NRG3: variants seen among roughly 807,000 people sequenced by gnomAD.
The protein encoded by NRG3 is neuregulin 3.
NRG3 carries 31 observed loss-of-function variants against 66.9 expected under a neutral mutation model. The ratio of observed to expected loss-of-function variants is 0.46; its 90% CI spans 0.35 to 0.63. The LOEUF is 0.63. NRG3 is among the 20% of genes least tolerant of loss of function. The pLI, the probability that NRG3 is intolerant of heterozygous loss-of-function variation, is 0.00. For missense variants in NRG3, 910 were observed against 878.9 expected (o/e 1.04, Z -0.45); for synonymous variants, 393 against 359.4 (o/e 1.09, Z -1.06).
chr10:82,876,018 C>A (rs1393350155), intron 4 of NRG3, among the ~76,000 whole-genome samples: 1 of 152,110 alleles, frequency 6.6e-6, no homozygotes. Flanking sequence ...GTATGCAGAT[C>A]TATTAATCAT....
intron 3 of NRG3, among the ~76,000 whole-genome samples, chr10:82,799,181 G>A (rs540524992): frequency 9.1e-4 from 138 of 152,202 alleles, no homozygotes; most frequent in Non-Finnish European, 1.3e-3. Context: ...TTATTGGTGC[G>A]GCTGTATATC....
intron 1 of NRG3, among the ~76,000 whole-genome samples, chr10:82,006,220 A>G (rs1384420466): frequency 6.6e-6 from 1 of 152,108 alleles, no homozygotes; most frequent in Non-Finnish European, 1.5e-5. Context: ...TAGTGAGACA[A>G]AGAGATCTTT....
chr10:82,839,628 A>G (rs1319968430), intron 3 of NRG3, among the ~76,000 whole-genome samples: 6 of 151,810 alleles, frequency 4.0e-5, no homozygotes, highest in African/African-American at 1.4e-4. Flanking sequence ...TCTCTTCTAA[A>G]TAGTATTTCT....
At position 82,197,140 on chromosome 10, in the gene NRG3, A is replaced by G. The variant is rs528091899; in HGVS notation, c.824-161599A>G. ...ACTGCAGTCAAGATGAGAGCAACCA[A>G]CTGGCCCTCACAGGAAGTTTTGGGA... On this transcript the variant is annotated intron_variant, in intron 1 of 8. Coordinates refer to ENST00000372141, the MANE Select transcript of NRG3 (RefSeq NM_001010848.4). 3.3e-5 allele frequency among the ~76,000 whole-genome samples: 5 copies of G among 152,274 alleles called. No homozygotes were observed. In the East Asian group the frequency reaches 5.8e-4, roughly 18 times the overall value.
At chr10:82,498,644 A>G (rs1429232611) in intron 2 of NRG3, among the ~76,000 whole-genome samples, 1 of 152,142 alleles carries the variant, frequency 6.6e-6, no homozygotes, top group African/African-American at 2.4e-5. Context: ...AAAGGACATG[A>G]GATTACTAGG....
At chr10:82,030,625 A>AGC (rs2062522789) in intron 1 of NRG3, among the ~76,000 whole-genome samples, 1 of 151,874 alleles carries the variant, frequency 6.6e-6, no homozygotes, top group Non-Finnish European at 1.5e-5. Flanking sequence ...AATGGAGGAT[A>AGC]TGATCAAGAC....
At chr10:82,029,177 C>T (rs1280035427) in intron 1 of NRG3, among the ~76,000 whole-genome samples, 1 of 151,990 alleles carries the variant, frequency 6.6e-6, no homozygotes, top group Non-Finnish European at 1.5e-5. Context: ...TCACTGCATT[C>T]CAGCCTGGGC....
chr10:82,074,599 G>A (rs1486788519), intron 1 of NRG3, among the ~76,000 whole-genome samples: 1 of 152,154 alleles, frequency 6.6e-6, no homozygotes, highest in South Asian at 2.1e-4. Flanking sequence ...GGAGGCCCAG[G>A]TGGGAGGAAC....
intron 2 of NRG3, among the ~76,000 whole-genome samples, chr10:82,695,362 A>G (rs2055288920): frequency 1.3e-5 from 2 of 152,316 alleles, no homozygotes; most frequent in South Asian, 4.1e-4. Flanking sequence ...AAATTTCAGC[A>G]TGATATATAA....
intron 2 of NRG3, among the ~76,000 whole-genome samples, chr10:82,389,377 C>T (rs1277347333): frequency 6.6e-6 from 1 of 152,088 alleles, no homozygotes; most frequent in East Asian, 1.9e-4. Context: ...CTTTCACTAC[C>T]TAGGATTCAC....
chr10:82,548,797 C>T (rs2044111451), intron 2 of NRG3, among the ~76,000 whole-genome samples: 1 of 151,958 alleles, frequency 6.6e-6, no homozygotes, highest in Non-Finnish European at 1.5e-5. Context: ...CATCCTGGAA[C>T]CCAAAAGCAC....
chr10:82,011,173 G>T (rs920355059), intron 1 of NRG3, among the ~76,000 whole-genome samples: 1 of 152,074 alleles, frequency 6.6e-6, no homozygotes. Flanking sequence ...CCACATAGCT[G>T]GGGAGGCCTC....
intron 2 of NRG3, among the ~76,000 whole-genome samples, chr10:82,497,705 G>A (rs539068352): frequency 6.6e-6 from 1 of 152,236 alleles, no homozygotes; most frequent in East Asian, 1.9e-4. Flanking sequence ...CAGTGAACAT[G>A]TGGGTACAGC....
intron 2 of NRG3, among the ~76,000 whole-genome samples, chr10:82,453,454 G>GA (rs1246993225): frequency 6.6e-6 from 1 of 152,020 alleles, no homozygotes; most frequent in Non-Finnish European, 1.5e-5. Context: ...TCTACAAACC[G>GA]ATTTTGACCA....
At chr10:82,536,092 A>T (rs1847787836) in intron 2 of NRG3, among the ~76,000 whole-genome samples, 1 of 152,164 alleles carries the variant, frequency 6.6e-6, no homozygotes, top group Non-Finnish European at 1.5e-5. Flanking sequence ...TTTGTCCCAG[A>T]GTCTCCTGTG....
intron 2 of NRG3, among the ~76,000 whole-genome samples, chr10:82,434,762 T>C (rs2090028621): frequency 6.6e-6 from 1 of 152,196 alleles, no homozygotes; most frequent in Non-Finnish European, 1.5e-5. Flanking sequence ...GATTTGTGTA[T>C]GTTGAACCAG....
At chr10:82,671,356 C>T (rs372458606) in intron 2 of NRG3, among the ~76,000 whole-genome samples, 1 of 152,176 alleles carries the variant, frequency 6.6e-6, no homozygotes, top group African/African-American at 2.4e-5. Context: ...AGTATCTGGT[C>T]TGTTTTTAGC....
chr10:82,619,643 C>T (rs1265424237), intron 2 of NRG3, among the ~76,000 whole-genome samples: 1 of 152,134 alleles, frequency 6.6e-6, no homozygotes, highest in African/African-American at 2.4e-5. Context: ...TCCAGTGCAT[C>T]ATAATGTGAC....
chr10:82,900,096 G>A (rs1475753205), intron 4 of NRG3, among the ~76,000 whole-genome samples: 1 of 152,128 alleles, frequency 6.6e-6, no homozygotes, highest in Non-Finnish European at 1.5e-5. Flanking sequence ...TATGATGGGA[G>A]CAGGAGCAAG....
Sources: gnomAD v4.1 joint callset for allele counts (sites outside exome capture counted in the v4.1 genomes callset) on GRCh38, gnomAD v4.1.1 for gene constraint, MANE v1.5 for transcripts, NCBI Gene and HGNC (gene_info 2026-07-23, HGNC 2026-07-21) for gene names.